Variants in PRKCQ observed in about 807,000 individuals in gnomAD.
PRKCQ encodes the protein protein kinase C theta.
PRKCQ carries 41 observed loss-of-function variants against 91.2 expected under a neutral mutation model. The ratio of observed to expected loss-of-function variants is 0.45; its 90% CI spans 0.35 to 0.58. PRKCQ has a LOEUF of 0.58. Among genes scored for constraint, PRKCQ ranks in the 20% least tolerant of loss-of-function variants. PRKCQ has a pLI of 0.00. For synonymous variants in PRKCQ, 307 were observed against 316.9 expected (o/e 0.97, Z 0.33); for missense variants, 673 against 896.5 (o/e 0.75, Z 3.18).
chr10:6,515,815 A>C (rs1458664633), intron 1 of PRKCQ, among the ~76,000 whole-genome samples: 1 of 152,228 alleles, frequency 6.6e-6, no homozygotes, highest in Non-Finnish European at 1.5e-5. Flanking sequence ...ATAAAAGCCC[A>C]AAAATCAGTA....
intron 16 of PRKCQ, among the ~76,000 whole-genome samples, 191 bp downstream of exon 16, chr10:6,441,702 C>T (rs901646754): frequency 6.6e-6 from 1 of 152,170 alleles, no homozygotes; most frequent in Non-Finnish European, 1.5e-5. Flanking sequence ...GTTTCTCTTA[C>T]ACTCATTTTG....
At position 6,441,930 on chromosome 10, in the gene PRKCQ, C is replaced by T. The variant is rs34663609; in HGVS notation, c.1799G>A (p.Arg600Gln). ...GTCCTTTGCTTCCTTCTCCAGCCACCGTGGGTAAAAGGGATTGTCCATGCG... is the reference window on the plus strand; with the variant it reads ...GTCCTTTGCTTCCTTCTCCAGCCACTGTGGGTAAAAGGGATTGTCCATGCG... The part of the protein sequence containing the change: ...SIRMDNPFYP[R>Q]WLEKEAKDLL... Residue 600 changes from arginine (R) to glutamine (Q), a missense_variant, in exon 16 of 18, where the codon CGG becomes CAG. Transcript: ENST00000263125. 3.0e-5 allele frequency: 48 copies of T among 1,611,748 alleles called. No homozygotes were observed. The highest frequency in any genetic ancestry group is 3.4e-5 in the Non-Finnish European group (40 of 1,178,106).
At chr10:6,463,372 T>C (rs1310257477) in intron 13 of PRKCQ, among the ~76,000 whole-genome samples, 1 of 152,140 alleles carries the variant, frequency 6.6e-6, no homozygotes, top group Non-Finnish European at 1.5e-5. Flanking sequence ...ACAGGATGGA[T>C]AGCGTGGGTC....
At chr10:6,558,660 A>G (rs1365192216) in intron 1 of PRKCQ, among the ~76,000 whole-genome samples, 4 of 152,256 alleles carry the variant, frequency 2.6e-5, no homozygotes, top group Non-Finnish European at 4.4e-5. Flanking sequence ...GGAGAATCAC[A>G]GCATGCTGGA....
chr10:6,408,046 G>GTTT, the PRKCQ span, among the ~76,000 whole-genome samples: 317 of 84,212 alleles, frequency 3.8e-3, 18 homozygotes, highest in African/African-American at 0.017. Flanking sequence ...TCTTGTGTCA[G>GTTT]TTTTTTTTTT....
At chr10:6,549,067 C>G (rs1370566082) in intron 1 of PRKCQ, among the ~76,000 whole-genome samples, 1 of 152,122 alleles carries the variant, frequency 6.6e-6, no homozygotes, top group East Asian at 1.9e-4. Flanking sequence ...TTATTAGGAC[C>G]TCTGTTTTCC....
At chr10:6,499,168 T>C (rs1298584734) in intron 4 of PRKCQ, among the ~76,000 whole-genome samples, 5 of 152,162 alleles carry the variant, frequency 3.3e-5, no homozygotes, top group Admixed American at 1.3e-4. Context: ...GCCAACCATA[T>C]TTACCAATGT....
At chr10:6,467,594 T>C (rs899299498) in intron 12 of PRKCQ, among the ~76,000 whole-genome samples, 1 of 152,102 alleles carries the variant, frequency 6.6e-6, no homozygotes, top group Non-Finnish European at 1.5e-5. Context: ...CATTGGGGGA[T>C]GGGACATGCC....
At chr10:6,496,509 T>C (rs1049449842) in intron 7 of PRKCQ, among the ~76,000 whole-genome samples, 1 of 152,166 alleles carries the variant, frequency 6.6e-6, no homozygotes, top group African/African-American at 2.4e-5. Context: ...ACTCTTTTAC[T>C]GTCACTTCTA....
intron 12 of PRKCQ, among the ~76,000 whole-genome samples, chr10:6,477,363 C>T (rs1264010817): frequency 6.6e-6 from 1 of 152,222 alleles, no homozygotes; most frequent in African/African-American, 2.4e-5. Context: ...TCTGGCTTCT[C>T]TTTATCTTAG....
chr10:6,396,620 C>G, the PRKCQ span, among the ~76,000 whole-genome samples: 1 of 152,224 alleles, frequency 6.6e-6, no homozygotes, highest in South Asian at 2.1e-4. Flanking sequence ...GCACCTGATT[C>G]CTTTTTATTG....
chr10:6,508,780 GGAA>G (rs1248398429), intron 3 of PRKCQ, among the ~76,000 whole-genome samples: 6 of 152,134 alleles, frequency 3.9e-5, no homozygotes, highest in African/African-American at 1.4e-4. Flanking sequence ...TAGTAGTGAT[GGAA>G]GAAATTAAAC....
chr10:6,406,563 G>A, the PRKCQ span, among the ~76,000 whole-genome samples: 1 of 151,442 alleles, frequency 6.6e-6, no homozygotes, highest in South Asian at 2.1e-4. Flanking sequence ...AAGTTTTTTT[G>A]AAAAAGGAAA....
intron 1 of PRKCQ, among the ~76,000 whole-genome samples, chr10:6,527,805 C>T (rs1839251902): frequency 6.6e-6 from 1 of 152,200 alleles, no homozygotes. Context: ...CTAAATCCTT[C>T]AGGATCCACA....
chr10:6,438,674 TA>T (rs1425685143), intron 16 of PRKCQ, among the ~76,000 whole-genome samples: 2 of 152,160 alleles, frequency 1.3e-5, no homozygotes, highest in African/African-American at 4.8e-5. Context: ...TGGCTCATTG[TA>T]ACCTCCACCT....
chr10:6,466,007 A>G (rs192205114), intron 12 of PRKCQ, among the ~76,000 whole-genome samples: 103 of 152,328 alleles, frequency 6.8e-4, no homozygotes, highest in African/African-American at 2.3e-3. Context: ...CATCAGCACC[A>G]CAGAAAGAGC....
the PRKCQ span, among the ~76,000 whole-genome samples, chr10:6,398,410 T>C: frequency 2.0e-5 from 3 of 152,362 alleles, no homozygotes; most frequent in Non-Finnish European, 4.4e-5. Flanking sequence ...AAAATACTTT[T>C]AGATTTTGAG....
intron 2 of PRKCQ, among the ~76,000 whole-genome samples, chr10:6,513,774 G>T (rs1470230691): frequency 6.6e-6 from 1 of 152,288 alleles, no homozygotes; most frequent in East Asian, 1.9e-4. Context: ...ATGCAAAATA[G>T]TAGGTTTGGG....
chr10:6,549,537 G>C (rs1346624191), intron 1 of PRKCQ, among the ~76,000 whole-genome samples: 2 of 151,862 alleles, frequency 1.3e-5, no homozygotes, highest in East Asian at 1.9e-4. Context: ...AAAAGTAATT[G>C]CAATTTTTGC....
Sources: allele counts gnomAD v4.1 joint callset (sites outside exome capture counted in the v4.1 genomes callset), GRCh38; gene constraint gnomAD v4.1.1; transcripts MANE v1.5; gene names NCBI Gene and HGNC (gene_info 2026-07-23, HGNC 2026-07-21).